Variants in SAMSN1 observed in about 807,000 individuals in gnomAD.
SAMSN1 encodes the protein SAM domain-containing protein SAMSN-1.
A neutral mutation model predicts 42.0 loss-of-function variants in SAMSN1; 31 were observed. That is an observed-to-expected ratio of 0.74 (90% confidence interval 0.55 to 1.00). The LOEUF is 1.00. Among genes scored for constraint, SAMSN1 ranks in the 50% least tolerant of loss-of-function variants. SAMSN1 has a pLI of 0.00. For missense variants in SAMSN1, 464 were observed against 439.4 expected (o/e 1.06, Z -0.50); for synonymous variants, 178 against 151.9 (o/e 1.17, Z -1.26).
intron 2 of SAMSN1, among the ~76,000 whole-genome samples, chr21:14,624,901 C>T (rs1231724541): frequency 2.6e-5 from 4 of 152,116 alleles, no homozygotes; most frequent in Non-Finnish European, 4.4e-5. Flanking sequence ...AAACCGAATC[C>T]AGTAGCCCAT....
intron 2 of SAMSN1, among the ~76,000 whole-genome samples, chr21:14,629,223 AT>A (rs1224207580): frequency 1.3e-5 from 2 of 152,172 alleles, no homozygotes; most frequent in Non-Finnish European, 2.9e-5. Context: ...AATACTAATA[AT>A]TTAGTACTAT....
chr21:14,643,980 C>T (rs1181041198), intron 1 of SAMSN1, among the ~76,000 whole-genome samples: 1 of 152,160 alleles, frequency 6.6e-6, no homozygotes, highest in Non-Finnish European at 1.5e-5. Context: ...TTTAAACGAG[C>T]CCTGGCCAGA....
At chr21:14,581,479 C>A (rs937795319) in intron 2 of SAMSN1, among the ~76,000 whole-genome samples, 25 of 148,594 alleles carry the variant, frequency 1.7e-4, no homozygotes, top group Non-Finnish European at 2.5e-4. Context: ...CCGCCTCAGC[C>A]TCCCGAGTAG....
intron 2 of SAMSN1, among the ~76,000 whole-genome samples, chr21:14,554,540 A>T (rs376148353): frequency 5.7e-4 from 87 of 151,846 alleles, no homozygotes; most frequent in African/African-American, 1.9e-3. Flanking sequence ...CTTTGATTTC[A>T]GTCTTTCATA....
chr21:14,556,492 T>C (rs956545582), intron 2 of SAMSN1, among the ~76,000 whole-genome samples: 2 of 152,244 alleles, frequency 1.3e-5, no homozygotes, highest in South Asian at 4.1e-4. Flanking sequence ...TATGTGTATA[T>C]GCATGCGTGT....
intron 4 of SAMSN1, among the ~76,000 whole-genome samples, chr21:14,611,044 A>G (rs964205348): frequency 5.9e-5 from 9 of 151,840 alleles, no homozygotes; most frequent in Admixed American, 5.9e-4. Context: ...TCCTGCCTCA[A>G]TTTCCCAAGT....
chr21:14,604,877 G>T (rs552443130), intron 5 of SAMSN1, among the ~76,000 whole-genome samples: 3 of 152,350 alleles, frequency 2.0e-5, no homozygotes, highest in Admixed American at 2.0e-4. Context: ...TGAAGCCTCA[G>T]ACATCACATT....
intron 5 of SAMSN1, among the ~76,000 whole-genome samples, chr21:14,509,342 A>G (rs551796625): frequency 6.6e-6 from 1 of 152,316 alleles, no homozygotes; most frequent in East Asian, 1.9e-4. Flanking sequence ...CATAAGCAAG[A>G]GCTAAGCTAT....
intron 5 of SAMSN1, among the ~76,000 whole-genome samples, chr21:14,604,371 C>T (rs1220657136): frequency 6.6e-6 from 1 of 151,966 alleles, no homozygotes; most frequent in Admixed American, 6.6e-5. Context: ...TCACTTGTCA[C>T]AGTAGAGTGC....
upstream of SAMSN1, among the ~76,000 whole-genome samples, chr21:14,587,976 T>A (rs1490302393): frequency 7.6e-6 from 1 of 130,882 alleles, no homozygotes; most frequent in African/African-American, 2.9e-5. Flanking sequence ...AATTCCCACC[T>A]ATGAGTGAGA....
chr21:14,612,321 T>C (rs553127474), intron 4 of SAMSN1, among the ~76,000 whole-genome samples: 22 of 152,300 alleles, frequency 1.4e-4, no homozygotes, highest in African/African-American at 5.3e-4. Context: ...CCCTATTTGC[T>C]GTAAAGTAAA....
At chr21:14,516,066 G>A (rs749271873) in intron 3 of SAMSN1, among the ~76,000 whole-genome samples, 14 of 152,132 alleles carry the variant, frequency 9.2e-5, no homozygotes, top group Non-Finnish European at 1.9e-4. Flanking sequence ...TGATGGGAAT[G>A]TCAAATGACA....
Position 14,622,571 on chromosome 21 carries a change from A to T in SAMSN1, c.157-6555T>A, listed in dbSNP as rs987275612. Among the ~76,000 whole-genome samples the T allele has an allele frequency of 2.0e-5, 3 of 152,250 alleles. No individual in the cohort carries two copies. The South Asian group carries it at 6.2e-4, about 31-fold the overall frequency. ...ATGAAATGAGAAGAGAAGTTTAGAC[A>T]AAAAAGAGTAAAAAGAAATGAACAG... On this transcript the variant is annotated intron_variant, in intron 2 of 15. Transcript: ENST00000647101.
chr21:14,549,870 TGGG>T, upstream of SAMSN1, among the ~76,000 whole-genome samples: 1 of 151,932 alleles, frequency 6.6e-6, no homozygotes, highest in Non-Finnish European at 1.5e-5. Context: ...AGAAGTTGAG[TGGG>T]GATATTGTGT....
At chr21:14,495,640 A>G (rs547690053) in intron 7 of SAMSN1, 1 of 152,268 alleles carries the variant, frequency 6.6e-6, no homozygotes, top group African/African-American at 2.4e-5. Flanking sequence ...GTGACCTTCA[A>G]GCATCATTTT....
intron 2 of SAMSN1, among the ~76,000 whole-genome samples, chr21:14,553,676 G>A (rs141918578): frequency 8.4e-4 from 128 of 152,096 alleles, no homozygotes; most frequent in African/African-American, 2.8e-3. Flanking sequence ...ACTTGAAATC[G>A]AATTCTAGCC....
chr21:14,657,920 A>G (rs1983942033), intron 1 of SAMSN1, among the ~76,000 whole-genome samples: 1 of 151,834 alleles, frequency 6.6e-6, no homozygotes, highest in Non-Finnish European at 1.5e-5. Flanking sequence ...GCTTATGTTA[A>G]TCTTATGTGC....
upstream of SAMSN1, among the ~76,000 whole-genome samples, chr21:14,583,957 T>TGTTAC (rs752551544): frequency 4.9e-4 from 74 of 152,166 alleles, no homozygotes; most frequent in South Asian, 3.5e-3. Context: ...TTATAAAATA[T>TGTTAC]GTTACAACTG....
At chr21:14,547,493 A>G (rs1205773401), upstream of SAMSN1, among the ~76,000 whole-genome samples, 1 of 152,246 alleles carries the variant, frequency 6.6e-6, no homozygotes, top group Non-Finnish European at 1.5e-5. Context: ...GGGATTTACC[A>G]AAGGGAGATT....
Sources: gnomAD v4.1 joint callset for allele counts (sites outside exome capture counted in the v4.1 genomes callset) on GRCh38, gnomAD v4.1.1 for gene constraint, MANE v1.5 for transcripts, NCBI Gene and HGNC (gene_info 2026-07-23, HGNC 2026-07-21) for gene names.